The following AFF2 variants were observed in gnomAD, a reference collection of about 807,000 sequenced individuals.
The protein encoded by AFF2 is ALF transcription elongation factor 2.
Under a neutral mutation model 76.9 loss-of-function variants are expected in AFF2, and 14 were observed. The observed-to-expected ratio is 0.18, with a 90% CI of 0.12 to 0.28. The LOEUF (loss-of-function observed/expected upper bound fraction) is 0.28, where lower values mean the gene tolerates loss of function less well. Ranked by LOEUF, AFF2 falls within the 10% of genes least tolerant of loss-of-function variation. The pLI is 1.00. For synonymous variants in AFF2, 398 were observed against 366.7 expected (o/e 1.09, Z -0.98); for missense variants, 868 against 1,001.1 (o/e 0.87, Z 1.79).
At chrX:148,674,101 A>G in intron 3 of AFF2, among the ~76,000 whole-genome samples, 1 of 112,393 alleles carries the variant, frequency 8.9e-6, no homozygotes, top group East Asian at 2.8e-4. Flanking sequence ...CATGAAAACA[A>G]CCAAAGACAG....
chrX:148,760,110 A>G (rs2069422682), intron 3 of AFF2, among the ~76,000 whole-genome samples: 1 of 112,587 alleles, frequency 8.9e-6, no homozygotes, highest in Non-Finnish European at 1.9e-5. Flanking sequence ...TTAAAAATAA[A>G]ACATTGAAAC....
chrX:148,855,178 T>C (rs2070773598), intron 7 of AFF2, among the ~76,000 whole-genome samples: 1 of 111,474 alleles, frequency 9.0e-6, no homozygotes, highest in African/African-American at 3.3e-5. Flanking sequence ...CTAAAGACTT[T>C]GGGTAGAATC....
chrX:148,590,138 T>C (rs2053509111), intron 1 of AFF2, among the ~76,000 whole-genome samples: 1 of 106,947 alleles, frequency 9.4e-6, no homozygotes, highest in Admixed American at 1.0e-4. Context: ...CATTAAAATA[T>C]ACTACCTATT....
intron 1 of AFF2, among the ~76,000 whole-genome samples, chrX:148,610,342 G>A (rs782500271): frequency 4.5e-5 from 5 of 111,579 alleles, no homozygotes; most frequent in Non-Finnish European, 9.4e-5. Flanking sequence ...CTCCTACTTT[G>A]GGGTTTATTC....
At chrX:148,505,368 G>A (rs939647143) in intron 1 of AFF2, among the ~76,000 whole-genome samples, 6 of 111,905 alleles carry the variant, frequency 5.4e-5, no homozygotes, top group Non-Finnish European at 9.4e-5. Flanking sequence ...TACATGAATT[G>A]TTTTGCTAAT....
chrX:148,747,833 G>T (rs1399552677), intron 3 of AFF2, among the ~76,000 whole-genome samples: 1 of 111,232 alleles, frequency 9.0e-6, no homozygotes, highest in Non-Finnish European at 1.9e-5. Context: ...TTGGTTTGCT[G>T]GTTCCCTCAT....
intron 5 of AFF2, among the ~76,000 whole-genome samples, chrX:148,838,436 T>C (rs782223777): frequency 1.8e-5 from 2 of 111,715 alleles, no homozygotes; most frequent in East Asian, 5.6e-4. Flanking sequence ...ATCACATAGA[T>C]CACAAAACAA....
chrX:148,624,835 A>T (rs2053905846), intron 1 of AFF2, among the ~76,000 whole-genome samples: 1 of 111,771 alleles, frequency 8.9e-6, no homozygotes, highest in Non-Finnish European at 1.9e-5. Context: ...CATCCTAAAC[A>T]TGTATTCAGA....
intron 4 of AFF2, among the ~76,000 whole-genome samples, chrX:148,836,727 G>A (rs1016595442): frequency 1.2e-4 from 13 of 111,339 alleles, no homozygotes; most frequent in Non-Finnish European, 2.3e-4. Context: ...TGCTCTTAGC[G>A]TAAAGCATGT....
intron 12 of AFF2, among the ~76,000 whole-genome samples, chrX:148,959,785 G>A (rs2072086791): frequency 8.9e-6 from 1 of 112,422 alleles, no homozygotes; most frequent in South Asian, 3.7e-4. Flanking sequence ...GAGGAAGCAT[G>A]CTCCCCTGAT....
Position 148,996,059 on chromosome X carries a change from C to T in AFF2, c.*4727C>T. The T allele has an allele frequency of 8.9e-6, 1 of 112,768 alleles. No homozygotes were observed. The allele number at this position is 112,768 out of a possible 1,213,427, so 9.3% of individuals were successfully genotyped here. ...GCTTTACCTTTTTGGTTTTGTCCTG[C>T]ATCACTCATGTGGCTACGAAAGTGT... On this transcript the variant is annotated 3_prime_UTR_variant, in exon 21 of 21. Coordinates refer to ENST00000370460, the MANE Select transcript of AFF2 (RefSeq NM_002025.4).
chrX:148,967,369 A>T (rs2072193237), intron 14 of AFF2, among the ~76,000 whole-genome samples: 1 of 111,893 alleles, frequency 8.9e-6, no homozygotes, highest in South Asian at 3.8e-4. Flanking sequence ...ATGTATAGCT[A>T]GGTTTTGTTT....
intron 3 of AFF2, among the ~76,000 whole-genome samples, chrX:148,712,516 T>C (rs2054979716): frequency 8.9e-6 from 1 of 111,767 alleles, no homozygotes; most frequent in Admixed American, 9.5e-5. Flanking sequence ...GCCTCTTTGG[T>C]TTGGAATCCT....
intron 3 of AFF2, among the ~76,000 whole-genome samples, chrX:148,748,631 C>A (rs1333369527): frequency 8.9e-6 from 1 of 111,766 alleles, no homozygotes; most frequent in Non-Finnish European, 1.9e-5. Context: ...CCATCCTTTG[C>A]AGAGGATGGG....
chrX:148,685,762 G>T (rs906576078), intron 3 of AFF2, among the ~76,000 whole-genome samples: 1 of 110,725 alleles, frequency 9.0e-6, no homozygotes, highest in Non-Finnish European at 1.9e-5. Flanking sequence ...TCCCAGACCC[G>T]TATCAAAATA....
chrX:148,502,050 T>C (rs895920592), intron 1 of AFF2, among the ~76,000 whole-genome samples: 13 of 111,967 alleles, frequency 1.2e-4, no homozygotes, highest in African/African-American at 3.9e-4. Flanking sequence ...TAAATACTGA[T>C]ATACATATCT....
At chrX:148,651,118 A>G (rs1557256276) in intron 1 of AFF2, among the ~76,000 whole-genome samples, 1 of 112,430 alleles carries the variant, frequency 8.9e-6, no homozygotes, top group Non-Finnish European at 1.9e-5. Context: ...GCAGTCTTGC[A>G]TGATGAAGAA....
At chrX:148,564,888 G>T (rs2053152338) in intron 1 of AFF2, among the ~76,000 whole-genome samples, 1 of 112,192 alleles carries the variant, frequency 8.9e-6, no homozygotes, top group African/African-American at 3.2e-5. Flanking sequence ...GAGGTTTATT[G>T]AGTGCTTAAG....
intron 3 of AFF2, among the ~76,000 whole-genome samples, chrX:148,704,476 A>G (rs1449304555): frequency 7.6e-5 from 6 of 78,742 alleles, no homozygotes; most frequent in African/African-American, 3.0e-4. Flanking sequence ...ATTTATATAT[A>G]TGTGTATATA....
Sources: gnomAD v4.1 joint callset for allele counts (sites outside exome capture counted in the v4.1 genomes callset) on GRCh38, gnomAD v4.1.1 for gene constraint, MANE v1.5 for transcripts, NCBI Gene and HGNC (gene_info 2026-07-23, HGNC 2026-07-21) for gene names.